ARSK: variants seen among roughly 807,000 people sequenced by gnomAD.
The protein encoded by ARSK is arylsulfatase K.
Under a neutral mutation model 53.2 loss-of-function variants are expected in ARSK, and 37 were observed. The observed-to-expected ratio is 0.70, with a 90% CI of 0.54 to 0.92. ARSK has a LOEUF of 0.92. Among genes scored for constraint, ARSK ranks in the 40% least tolerant of loss-of-function variants. ARSK has a pLI of 0.00. For missense variants in ARSK, 613 were observed against 643.0 expected, an observed-to-expected ratio of 0.95 and a Z score of 0.51; for synonymous variants, 208 against 223.2, an observed-to-expected ratio of 0.93 and a Z score of 0.61.
In ARSK at chr5:95,591,935, G is replaced by A. The variant is rs1749225584; in HGVS notation, c.1096+310G>A. On this transcript the variant is annotated intron_variant, in intron 6 of 7. Coordinates refer to ENST00000380009, the MANE Select transcript of ARSK (RefSeq NM_198150.3). The stretch of plus-strand genomic sequence containing the variant: ...TATAGATATGATTTGTACATCATTT[G>A]ATTGTCTACCACCACCTCCTTAAAA... Among the ~76,000 whole-genome samples the A allele has an allele frequency of 2.0e-5, 3 of 152,156 alleles. No homozygotes were observed. In the South Asian group the frequency reaches 6.2e-4, roughly 32 times the overall value.
At chr5:95,563,335 A>C (rs1428794325) in intron 1 of ARSK, among the ~76,000 whole-genome samples, 1 of 152,232 alleles carries the variant, frequency 6.6e-6, no homozygotes, top group Non-Finnish European at 1.5e-5. Context: ...AATTTTGAGC[A>C]TAAATTTGTC....
At chr5:95,573,687 G>C (rs1464920033) in intron 3 of ARSK, among the ~76,000 whole-genome samples, 1 of 152,142 alleles carries the variant, frequency 6.6e-6, no homozygotes, top group Non-Finnish European at 1.5e-5. Flanking sequence ...GTCTGCTCAT[G>C]TAGGTTAATA....
intron 3 of ARSK, among the ~76,000 whole-genome samples, chr5:95,569,038 C>T (rs983800714): frequency 8.5e-5 from 13 of 152,176 alleles, no homozygotes; most frequent in African/African-American, 3.1e-4. Flanking sequence ...GCCCTAAGCA[C>T]CTTTTCCCTT....
chr5:95,572,371 A>G (rs1175455381), intron 3 of ARSK, among the ~76,000 whole-genome samples: 1 of 152,228 alleles, frequency 6.6e-6, no homozygotes, highest in East Asian at 1.9e-4. Context: ...TATAACTCCA[A>G]TGGAGTACAG....
intron 2 of ARSK, among the ~76,000 whole-genome samples, chr5:95,566,495 A>G (rs1295308149): frequency 6.6e-6 from 1 of 152,200 alleles, no homozygotes; most frequent in African/African-American, 2.4e-5. Flanking sequence ...GAGGACTTCT[A>G]TGAACATTAG....
chr5:95,559,946 G>A (rs545513425), intron 1 of ARSK, among the ~76,000 whole-genome samples: 16 of 152,178 alleles, frequency 1.1e-4, no homozygotes, highest in East Asian at 7.7e-4. Flanking sequence ...AGGATTCTAC[G>A]GCTCCACTAC....
At chr5:95,561,194 C>T (rs934933259) in intron 1 of ARSK, among the ~76,000 whole-genome samples, 3 of 152,090 alleles carry the variant, frequency 2.0e-5, no homozygotes, top group Admixed American at 1.3e-4. Flanking sequence ...ATTAATCATT[C>T]GGGAAATGTA....
rs542171072 is a variant in ARSK, at chr5:95,603,645, C to T, written c.*119C>T. On this transcript the variant is annotated 3_prime_UTR_variant, in exon 8 of 8. Coordinates refer to ENST00000380009, the MANE Select transcript of ARSK (RefSeq NM_198150.3). ...CAAGTTTTGGCCGGGCACAGTGGCTCACACCTGTAATCCCAGGACTTTGGG... is the reference window on the plus strand; with the variant it reads ...CAAGTTTTGGCCGGGCACAGTGGCTTACACCTGTAATCCCAGGACTTTGGG... 12 of 910,200 alleles carry T rather than the reference C, an allele frequency of 1.3e-5. No homozygotes were observed. The East Asian group carries it at 1.4e-4, about 11-fold the overall frequency. 56.4% of individuals were successfully genotyped at this position (910,200 alleles called of 1,614,324 possible).
At position 95,555,492 on chromosome 5, in the gene ARSK, A is replaced by G. The variant is rs1748478714; in HGVS notation, c.126+88A>G. 7.2e-7 allele frequency: 1 copy of G among 1,395,768 alleles called. No individual in the cohort carries two copies. The highest frequency in any genetic ancestry group is 1.4e-5 in the South Asian group (1 of 73,368). 86.5% of individuals were successfully genotyped at this position (1,395,768 alleles called of 1,614,324 possible). A position where few individuals can be genotyped will look rare whatever the true frequency, so the allele number is the denominator to read the frequency against. On this transcript the variant is annotated intron_variant, in intron 1 of 7. Transcript: ENST00000380009. The surrounding 1 kb of genome is among the most constrained non-coding windows in gnomAD (Gnocchi z 4.0). ...CTGTGCTGCAGGCTTTGGGGAGCAG[A>G]ACCTGAGACATTTTCAAACACCTTT...
intron 6 of ARSK, among the ~76,000 whole-genome samples, chr5:95,595,290 C>A (rs544673654): frequency 2.0e-5 from 3 of 152,124 alleles, no homozygotes; most frequent in Non-Finnish European, 4.4e-5. Context: ...TCTCAAAGAA[C>A]TTAAAACAGA....
intron 5 of ARSK, among the ~76,000 whole-genome samples, chr5:95,589,654 A>G (rs1749179651): frequency 6.6e-6 from 1 of 151,794 alleles, no homozygotes; most frequent in Admixed American, 6.6e-5. Flanking sequence ...TAGATGTACC[A>G]CATTTTCTTT....
At chr5:95,579,615 G>A (rs1748989465) in intron 3 of ARSK, among the ~76,000 whole-genome samples, 1 of 152,206 alleles carries the variant, frequency 6.6e-6, no homozygotes, top group Non-Finnish European at 1.5e-5. Flanking sequence ...ACCACACTTG[G>A]AGTAGCAAGG....
Position 95,598,643 on chromosome 5 carries a change from C to T in ARSK, c.1097-2204C>T, listed in dbSNP as rs74565917. Among the ~76,000 whole-genome samples, 1,285 of 152,278 alleles carry T rather than the reference C, an allele frequency of 8.4e-3. 14 individuals are homozygous for T. Among genetic ancestry groups the T allele is most frequent in the African/African-American group, 0.029 (1,221 of 41,556 alleles). The stretch of plus-strand genomic sequence containing the variant: ...TTAGTGTCAGACTGTCACACCTCTG[C>T]TCAAAACCCTCTACTGATTTCCCAT... On this transcript the variant is annotated intron_variant, in intron 6 of 7. Coordinates refer to ENST00000380009, the MANE Select transcript of ARSK (RefSeq NM_198150.3).
At chr5:95,586,961 T>C (rs1387972539) in intron 5 of ARSK, among the ~76,000 whole-genome samples, 1 of 152,126 alleles carries the variant, frequency 6.6e-6, no homozygotes, top group Non-Finnish European at 1.5e-5. Flanking sequence ...TATTCACACA[T>C]AAAGAAAGGG....
intron 6 of ARSK, among the ~76,000 whole-genome samples, chr5:95,594,638 G>A (rs1279838554): frequency 1.3e-5 from 2 of 152,150 alleles, no homozygotes; most frequent in Non-Finnish European, 2.9e-5. Context: ...TCAGGAGATC[G>A]AGACTGTCCT....
chr5:95,599,504 G>A (rs1306877146), intron 6 of ARSK, among the ~76,000 whole-genome samples: 1 of 152,150 alleles, frequency 6.6e-6, no homozygotes, highest in Non-Finnish European at 1.5e-5. Context: ...GCTTACAGTA[G>A]GTAGTCTCTG....
chr5:95,591,451 G>T lies in ARSK; in HGVS notation c.922G>T (p.Val308Phe). 3 of 1,614,002 alleles carry T rather than the reference G, an allele frequency of 1.9e-6. No individual in the cohort carries two copies. The highest frequency in any genetic ancestry group is 2.5e-6 in the Non-Finnish European group (3 of 1,179,946). ...ATTAGATCTTCTTCAGAAAACTATT[G>T]TCATATACTCCTCAGACCATGGAGA... ...HQLDLLQKTI[V>F]IYSSDHGELA... Residue 308 changes from valine to phenylalanine, a missense_variant, in exon 6 of 8, where the codon GTC (valine) becomes TTC (phenylalanine). Transcript: ENST00000380009.
intron 6 of ARSK, among the ~76,000 whole-genome samples, chr5:95,598,812 A>C (rs1749352302): frequency 6.6e-6 from 1 of 152,202 alleles, no homozygotes. Context: ...TTTGGAAAAT[A>C]AACCAAGTAG....
intron 1 of ARSK, among the ~76,000 whole-genome samples, chr5:95,560,179 A>C (rs1423005000): frequency 6.6e-6 from 1 of 152,238 alleles, no homozygotes; most frequent in Non-Finnish European, 1.5e-5. Flanking sequence ...AAGAAATAAA[A>C]GAACATTTAA....
Sources: allele counts gnomAD v4.1 joint callset (sites outside exome capture counted in the v4.1 genomes callset), GRCh38; gene constraint gnomAD v4.1.1; non-coding constraint Gnocchi (gnomAD v3.1); transcripts MANE v1.5; gene names NCBI Gene and HGNC (gene_info 2026-07-23, HGNC 2026-07-21).